The following DMD variants were observed in gnomAD, a reference collection of about 807,000 sequenced individuals.
The protein encoded by DMD is mutant dystrophin.
DMD carries 63 observed loss-of-function variants against 330.1 expected under a neutral mutation model. That is an observed-to-expected ratio of 0.19 (90% CI 0.16 to 0.24). The LOEUF (loss-of-function observed/expected upper bound fraction) is 0.24. Among genes scored for constraint, DMD ranks in the 10% least tolerant of loss-of-function variants. The pLI is 1.00. For synonymous variants in DMD, 1,223 were observed against 959.8 expected, an observed-to-expected ratio of 1.27 and a Z score of -5.07; for missense variants, 3,344 against 2,684.1, an observed-to-expected ratio of 1.25 and a Z score of -5.43.
chrX:32,305,324 G>T (rs2097536482), intron 42 of DMD, among the ~76,000 whole-genome samples: 1 of 111,121 alleles, frequency 9.0e-6, no homozygotes, highest in South Asian at 3.7e-4. Flanking sequence ...CAGTACTTTT[G>T]TCCCTACTTC....
intron 64 of DMD, among the ~76,000 whole-genome samples, chrX:31,214,875 A>G (rs918234150): frequency 1.9e-5 from 2 of 107,565 alleles, no homozygotes; most frequent in African/African-American, 6.8e-5. Flanking sequence ...TGATAAAAGG[A>G]AAAAGGTGAG....
chrX:33,334,208 C>A (rs944089067), intron 1 of DMD, among the ~76,000 whole-genome samples: 1 of 111,569 alleles, frequency 9.0e-6, no homozygotes, highest in Non-Finnish European at 1.9e-5. Context: ...CATTCCTCAA[C>A]AAGTAAATTA....
intron 32 of DMD, among the ~76,000 whole-genome samples, chrX:32,388,795 T>C (rs1482770724): frequency 9.0e-6 from 1 of 111,252 alleles, no homozygotes; most frequent in Non-Finnish European, 1.9e-5. Flanking sequence ...ATAATACTTA[T>C]GTTACTCGAG....
At chrX:32,280,553 G>T (rs895631216) in intron 43 of DMD, among the ~76,000 whole-genome samples, 1 of 111,140 alleles carries the variant, frequency 9.0e-6, no homozygotes, top group African/African-American at 3.3e-5. Context: ...TTCTAAGACT[G>T]CAATGATAAT....
At chrX:31,521,361 C>T (rs1419686990) in intron 55 of DMD, among the ~76,000 whole-genome samples, 10 of 110,876 alleles carry the variant, frequency 9.0e-5, no homozygotes, top group Non-Finnish European at 1.9e-4. Context: ...CAGGGTTTCA[C>T]CATGTTGGCC....
chrX:32,735,904 G>A (rs753693077), intron 7 of DMD, among the ~76,000 whole-genome samples: 70 of 111,835 alleles, frequency 6.3e-4, no homozygotes, highest in African/African-American at 1.9e-3. Context: ...ACAAAAGCCA[G>A]AACTGACAAA....
chrX:33,324,067 T>A (rs1021154855), intron 1 of DMD, among the ~76,000 whole-genome samples: 4 of 111,258 alleles, frequency 3.6e-5, no homozygotes, highest in South Asian at 7.5e-4. Context: ...CAGAAAAAAA[T>A]GATTATATAT....
At chrX:33,269,145 C>G (rs2053106588) in intron 1 of DMD, among the ~76,000 whole-genome samples, 1 of 110,985 alleles carries the variant, frequency 9.0e-6, no homozygotes, top group Admixed American at 9.7e-5. Context: ...CTGGTATGTT[C>G]TTTGTCACAC....
chrX:32,133,539 G>T (rs960892808), intron 44 of DMD, among the ~76,000 whole-genome samples: 2 of 111,285 alleles, frequency 1.8e-5, no homozygotes, highest in Non-Finnish European at 3.8e-5. Flanking sequence ...AATATATCTG[G>T]TGATATGTCT....
chrX:31,295,254 C>T (rs1380510581), intron 62 of DMD, among the ~76,000 whole-genome samples: 1 of 111,141 alleles, frequency 9.0e-6, no homozygotes, highest in Non-Finnish European at 1.9e-5. Context: ...CTCGGCCTCA[C>T]AAAGTGCTGG....
At chrX:33,038,547 C>G (rs67299414) in intron 1 of DMD, among the ~76,000 whole-genome samples, 6,716 of 111,917 alleles carry the variant, frequency 0.06, 489 homozygotes, top group African/African-American at 0.21. Flanking sequence ...GTCACCTTGA[C>G]TCCCAGCTCA....
chrX:32,981,974 T>G (rs774634546), intron 2 of DMD, among the ~76,000 whole-genome samples: 1 of 111,885 alleles, frequency 8.9e-6, no homozygotes, highest in South Asian at 3.7e-4. Flanking sequence ...GATATGCATT[T>G]TTCAAATCTC....
At chrX:32,033,008 T>C (rs1329790607) in intron 44 of DMD, among the ~76,000 whole-genome samples, 3 of 112,236 alleles carry the variant, frequency 2.7e-5, no homozygotes, top group Admixed American at 1.9e-4. Flanking sequence ...GGCAGATGAA[T>C]AGATAAATGT....
intron 47 of DMD, among the ~76,000 whole-genome samples, chrX:31,911,958 A>T (rs2094553231): frequency 8.9e-6 from 1 of 111,926 alleles, no homozygotes; most frequent in African/African-American, 3.2e-5. Context: ...GTCATTTTGA[A>T]GTGCCATCTT....
At chrX:33,187,081 T>G (rs1397789466) in intron 1 of DMD, among the ~76,000 whole-genome samples, 1 of 112,164 alleles carries the variant, frequency 8.9e-6, no homozygotes, top group African/African-American at 3.2e-5. Flanking sequence ...ATCATCTATA[T>G]GAATTGAACA....
intron 51 of DMD, among the ~76,000 whole-genome samples, chrX:31,740,419 C>T (rs763624079): frequency 8.9e-6 from 1 of 111,913 alleles, no homozygotes; most frequent in East Asian, 2.8e-4. Flanking sequence ...TTCTCCTACA[C>T]ACATTTTAGA....
chrX:32,405,412 G>T (rs2098112077), intron 30 of DMD, among the ~76,000 whole-genome samples: 2 of 111,866 alleles, frequency 1.8e-5, no homozygotes, highest in South Asian at 7.3e-4. Context: ...AACACGCATA[G>T]GTTGTTACAT....
intron 19 of DMD, among the ~76,000 whole-genome samples, chrX:32,495,195 T>G (rs5972583): frequency 8.9e-6 from 1 of 112,012 alleles, no homozygotes; most frequent in African/African-American, 3.2e-5. Context: ...ATTGTGAATA[T>G]GCTGCCTGCT....
At chrX:31,748,542 G>T (rs757082224) in intron 51 of DMD, among the ~76,000 whole-genome samples, 1 of 111,496 alleles carries the variant, frequency 9.0e-6, no homozygotes, top group African/African-American at 3.3e-5. Context: ...ACACTTTCTC[G>T]TAAAGGTCAG....
Sources: gnomAD v4.1 joint callset for allele counts (sites outside exome capture counted in the v4.1 genomes callset) on GRCh38, gnomAD v4.1.1 for gene constraint, MANE v1.5 for transcripts, NCBI Gene and HGNC (gene_info 2026-07-23, HGNC 2026-07-21) for gene names.